The following TELO2 variants were observed in gnomAD, a reference collection of about 807,000 sequenced individuals.
The protein encoded by TELO2 is telomere length regulation protein TEL2 homolog.
A neutral mutation model predicts 91.0 loss-of-function variants in TELO2; 71 were observed. The observed-to-expected ratio is 0.78, with a 90% CI of 0.64 to 0.95. TELO2 has a LOEUF of 0.95. TELO2 is among the 40% of genes least tolerant of loss of function. The pLI, the probability that TELO2 is intolerant of heterozygous loss-of-function variation, is 0.00. For missense variants in TELO2, 1,183 were observed against 1,141.3 expected (o/e 1.04, Z -0.53); for synonymous variants, 584 against 518.9 (o/e 1.13, Z -1.71).
rs2039687448 is a variant in TELO2 at position 1,501,694 on chromosome 16, C to A, written c.1393C>A (p.Pro465Thr). ...CCTCGTTCCAGCCACGGCAGAGCCC[C>A]CTGCAGAGACCCCCGCAGAGATCGT... ...TSLVPATAEPPAETPAEIVDG... is the reference protein window; with the variant it reads ...TSLVPATAEPTAETPAEIVDG... The change falls in exon 11 of 21, where the codon CCT (proline) becomes ACT (threonine). Residue 465 changes from proline to threonine, a missense_variant. Transcript: ENST00000262319. The A allele has an allele frequency of 6.2e-7, 1 of 1,612,790 alleles. No homozygotes were observed. Among genetic ancestry groups the A allele is most frequent in the African/African-American group, 1.3e-5 (1 of 75,022 alleles).
In TELO2 at chr16:1,494,463, C is replaced by T. The variant is rs535792327; in HGVS notation, c.182C>T (p.Pro61Leu). Reference sequence around the variant, plus strand: ...GAGTTTGCCTCGGCCCACTTCTCGCCTGTCCTCAGATGTCTTGCCAGCAGG... The same window carrying T: ...GAGTTTGCCTCGGCCCACTTCTCGCTTGTCCTCAGATGTCTTGCCAGCAGG... ...KEEFASAHFS[P>L]VLRCLASRLS... The change falls in exon 2 of 21, where the codon CCT becomes CTT. Residue 61 changes from proline to leucine, a missense_variant. Pro to Leu is a moderately conservative substitution (Grantham distance 98, BLOSUM62 -3). Coordinates refer to ENST00000262319, the MANE Select transcript of TELO2 (RefSeq NM_016111.4). The surrounding 1 kb of genome is among the most constrained non-coding windows in gnomAD (Gnocchi z 5.6). The T allele has an allele frequency of 6.2e-7, 1 of 1,613,420 alleles. No homozygotes were observed. The highest frequency in any genetic ancestry group is 8.5e-7 in the Non-Finnish European group (1 of 1,179,990).
chr16:1,495,755 T>C, intron 3 of TELO2, 132 bp downstream of exon 3: 1 of 1,302,068 alleles, frequency 7.7e-7, no homozygotes, highest in Non-Finnish European at 1.0e-6. Flanking sequence ...GGTGGGGATG[T>C]CCCTGTCCCG....
chr16:1,508,665 G>A (rs1386848727), intron 20 of TELO2, among the ~76,000 whole-genome samples: 1 of 152,112 alleles, frequency 6.6e-6, no homozygotes, highest in African/African-American at 2.4e-5. Flanking sequence ...TGCCTCTTCT[G>A]CCCCAGCCAT....
intron 15 of TELO2, among the ~76,000 whole-genome samples, chr16:1,503,756 CAA>C (rs1240162081): frequency 6.6e-6 from 1 of 152,108 alleles, no homozygotes; most frequent in Non-Finnish European, 1.5e-5. Flanking sequence ...CTTGGGAAGG[CAA>C]AAGAGTTCTG....
Position 1,494,711 on chromosome 16 carries a change from G to C in TELO2, c.335+95G>C. The C allele has an allele frequency of 1.6e-5, 20 of 1,260,700 alleles. No individual in the cohort carries two copies. Among genetic ancestry groups the C allele is most frequent in the Non-Finnish European group, 1.9e-5 (18 of 929,014 alleles). 78.1% of individuals were successfully genotyped at this position (1,260,700 alleles called of 1,614,324 possible). On this transcript the variant is annotated intron_variant, in intron 2 of 20. Coordinates refer to ENST00000262319, the MANE Select transcript of TELO2 (RefSeq NM_016111.4). The surrounding 1 kb of genome is among the most constrained non-coding windows in gnomAD (Gnocchi z 5.6). ...GACCAAGAGCCTCTCTAGTCCCTGT[G>C]AGGGGCTAGAGAGAGAGCCTGCTCC...
chr16:1,502,062 C>A lies in TELO2; in HGVS notation c.1488C>A (p.Val496=). ...DSDLDSDDEF[V]PYDMSGDREL... ...TCTCCCACAGCGATGATGAGTTTGT[C>A]CCCTACGACATGTCGGGGGACAGAG... Residue 496 remains valine, a synonymous_variant, in exon 12 of 21, where the codon GTC becomes GTA. Coordinates refer to ENST00000262319, the MANE Select transcript of TELO2 (RefSeq NM_016111.4). The A allele has an allele frequency of 6.2e-7, 1 of 1,613,326 alleles. No homozygotes were observed. The highest frequency in any genetic ancestry group is 2.2e-5 in the East Asian group (1 of 44,886).
At position 1,494,391 on chromosome 16, in the gene TELO2, G is replaced by T. The variant is rs759653577; in HGVS notation, c.110G>T (p.Arg37Leu). ...HIFCTLESLK[R>L]YLGEMEPPAL... is the part of the protein sequence containing the mutation. ...TTCTGCACCCTGGAGTCCCTGAAGC[G>T]GTATCTCGGTGAGATGGAGCCTCCA... The change falls in exon 2 of 21, where the codon CGG (arginine) becomes CTG (leucine). Residue 37 changes from arginine to leucine, a missense_variant. Arg to Leu is a moderately radical substitution (Grantham distance 102). Coordinates refer to ENST00000262319, the MANE Select transcript of TELO2 (RefSeq NM_016111.4). This position sits in a 1 kb window ranked among gnomAD's most constrained non-coding sequence, Gnocchi z 5.6. 3 of 1,613,552 alleles carry T rather than the reference G, an allele frequency of 1.9e-6. No individual in the cohort carries two copies. Among genetic ancestry groups the T allele is most frequent in the South Asian group, 1.1e-5 (1 of 91,072 alleles).
intron 2 of TELO2, 64 bp from the exon 3 acceptor site, chr16:1,495,282 G>A: frequency 6.7e-7 from 1 of 1,485,742 alleles, no homozygotes; most frequent in South Asian, 1.3e-5. Context: ...CTGGTTCCTT[G>A]TGGCAGGAAG....
intron 9 of TELO2, 127 bp from the exon 10 acceptor site, chr16:1,501,293 A>G: frequency 1.0e-6 from 1 of 978,886 alleles, no homozygotes; most frequent in Non-Finnish European, 1.5e-6. Context: ...CTGGCTATCC[A>G]GGGCCCAGCC....
Position 1,500,501 on chromosome 16 carries a change from T to G in TELO2, c.1144+13T>G, listed in dbSNP as rs915892138. Reference sequence around the variant, plus strand: ...GACAGCCGGGATGGTGAGCGGGTGGTTTGGGCTCCCCCCGGCCTCGGGCGC... The same window carrying G: ...GACAGCCGGGATGGTGAGCGGGTGGGTTGGGCTCCCCCCGGCCTCGGGCGC... On this transcript the variant is annotated intron_variant, in intron 8 of 20. Coordinates refer to ENST00000262319, the MANE Select transcript of TELO2 (RefSeq NM_016111.4). 8 of 1,609,644 alleles carry G rather than the reference T, an allele frequency of 5.0e-6. No homozygotes were observed. Among genetic ancestry groups the G allele is most frequent in the Non-Finnish European group, 6.8e-6 (8 of 1,178,558 alleles).
Position 1,493,997 on chromosome 16 carries a change from A to G in TELO2, c.-36-249A>G, listed in dbSNP as rs916970871. On this transcript the variant is annotated intron_variant, in intron 1 of 20. Transcript: ENST00000262319. This position sits in a 1 kb window ranked among gnomAD's most constrained non-coding sequence, Gnocchi z 4.3. ...CGCCAGTGGCACTCCCGGTTGAGAC[A>G]ACTGAGAATGTTCCCTGGGCACAGT... 6.6e-6 allele frequency among the ~76,000 whole-genome samples: 1 copy of G among 152,198 alleles called. No homozygotes were observed. Among genetic ancestry groups the G allele is most frequent in the Non-Finnish European group, 1.5e-5 (1 of 68,032 alleles).
rs770065225 is a variant in TELO2 at position 1,505,707 on chromosome 16, C to T, written c.2034+106C>T. ...GTCTGCAGCGAGGGGCGGCCACATT[C>T]GCTGGGGATGGTGCCTTTGCCGGGA... On this transcript the variant is annotated intron_variant, in intron 16 of 20. Transcript: ENST00000262319. This position sits in a 1 kb window ranked among gnomAD's most constrained non-coding sequence, Gnocchi z 4.3. The T allele has an allele frequency of 4.5e-6, 6 of 1,343,956 alleles. No individual in the cohort carries two copies. Among genetic ancestry groups the T allele is most frequent in the South Asian group, 1.4e-5 (1 of 70,964 alleles). The allele number at this position is 1,343,956 out of a possible 1,614,324, so 83.3% of individuals were successfully genotyped here.
At chr16:1,506,671 G>T in intron 17 of TELO2, 5 of 1,371,258 alleles carry the variant, frequency 3.6e-6, no homozygotes, top group Non-Finnish European at 4.7e-6. Flanking sequence ...AGGGCGTGAG[G>T]CTCTCGAGAT....
rs2039523142 is a variant in TELO2 at position 1,497,207 on chromosome 16, G to A, written c.682+103G>A. 5 of 1,540,204 alleles carry A rather than the reference G, an allele frequency of 3.2e-6. No individual in the cohort carries two copies. In the Admixed American group the frequency reaches 5.7e-5, roughly 18 times the overall value. ...CCCTCCTGACCCTGGCCCTCTGCAG[G>A]GTCCCCTTGCCCGGTCCTGTCCTGG... On this transcript the variant is annotated intron_variant, in intron 4 of 20. Coordinates refer to ENST00000262319, the MANE Select transcript of TELO2 (RefSeq NM_016111.4). The surrounding 1 kb of genome is among the most constrained non-coding windows in gnomAD (Gnocchi z 4.0).
In TELO2 at chr16:1,494,193, G is replaced by A. The variant is rs1421147043; in HGVS notation, c.-36-53G>A. On this transcript the variant is annotated intron_variant, in intron 1 of 20. Transcript: ENST00000262319. The surrounding 1 kb of genome is among the most constrained non-coding windows in gnomAD (Gnocchi z 5.6). ...GGGCGCTCACCGAGGGGCTTCCTGAGCTTGTGTGGATTATTTCCGTGCCCC... is the reference window on the plus strand; with the variant it reads ...GGGCGCTCACCGAGGGGCTTCCTGAACTTGTGTGGATTATTTCCGTGCCCC... 6.0e-6 allele frequency: 8 copies of A among 1,325,996 alleles called. No individual in the cohort carries two copies. The highest frequency in any genetic ancestry group is 4.0e-5 in the Admixed American group (2 of 50,284). The allele number at this position is 1,325,996 out of a possible 1,614,324, so 82.1% of individuals were successfully genotyped here.
chr16:1,507,266 G>T (rs1459016550), intron 18 of TELO2, 40 bp from the exon 19 acceptor site: 2 of 1,599,472 alleles, frequency 1.3e-6, no homozygotes, highest in Admixed American at 1.7e-5. Flanking sequence ...TGTGGGGACG[G>T]CGTCGGGACC....
At position 1,505,601 on chromosome 16, in the gene TELO2, G is replaced by A. The variant is rs759623033; in HGVS notation, c.2034G>A (p.Lys678=). The A allele has an allele frequency of 8.1e-6, 13 of 1,610,760 alleles. No individual in the cohort carries two copies. Among genetic ancestry groups the A allele is most frequent in the East Asian group, 2.2e-5 (1 of 44,798 alleles). ...RIRSKTQRLS[K]GGPRQGPAGS... Reference sequence around the variant, plus strand: ...GAAGCAAGACCCAGCGGCTCTCCAAGGTTAGTGGCGCCTGGTCAGCTCCTC... The same window carrying A: ...GAAGCAAGACCCAGCGGCTCTCCAAAGTTAGTGGCGCCTGGTCAGCTCCTC... The change falls in exon 16 of 21, where the codon AAG becomes AAA. Residue 678 remains lysine, a splice_region_variant and synonymous_variant. Transcript: ENST00000262319. This position sits in a 1 kb window ranked among gnomAD's most constrained non-coding sequence, Gnocchi z 4.3.
In TELO2 at chr16:1,502,044, C is replaced by G; in HGVS notation, c.1473-3C>G. On this transcript the variant is annotated splice_region_variant and splice_polypyrimidine_tract_variant and intron_variant, in intron 11 of 20. Transcript: ENST00000262319. ...TGCTCATGTCTGCTTTGCTCTCCCA[C>G]AGCGATGATGAGTTTGTCCCCTACG... 1 of 1,613,320 alleles carries G rather than the reference C, an allele frequency of 6.2e-7. No homozygotes were observed. The highest frequency in any genetic ancestry group is 1.3e-5 in the African/African-American group (1 of 75,068).
rs866501303 is a variant in TELO2 at position 1,495,595 on chromosome 16, G to T, written c.585G>T (p.Val195=). Residue 195 remains valine, a synonymous_variant, in exon 3 of 21, where the codon GTG becomes GTT. Coordinates refer to ENST00000262319, the MANE Select transcript of TELO2 (RefSeq NM_016111.4). The part of the protein sequence containing the change: ...FRLLGEEVVR[V]LQAVVDSLQG... ...TGCTCGGCGAGGAGGTCGTCCGGGT[G>T]CTGCAGGCGGTTGTGGACTCTCTCC... The T allele has an allele frequency of 6.2e-7, 1 of 1,605,046 alleles. No individual in the cohort carries two copies.
Sources: allele counts gnomAD v4.1 joint callset (sites outside exome capture counted in the v4.1 genomes callset), GRCh38; gene constraint gnomAD v4.1.1; non-coding constraint Gnocchi (gnomAD v3.1); transcripts MANE v1.5; gene names NCBI Gene and HGNC (gene_info 2026-07-23, HGNC 2026-07-21).